The following PRORP variants were observed in gnomAD, a reference collection of about 807,000 sequenced individuals.
PRORP encodes the protein mitochondrial ribonuclease P catalytic subunit.
A neutral mutation model predicts 59.4 loss-of-function variants in PRORP; 51 were observed. The observed-to-expected ratio is 0.86, with a 90% CI of 0.69 to 1.08. The LOEUF (loss-of-function observed/expected upper bound fraction) is 1.08, where lower values mean the gene tolerates loss of function less well. PRORP is among the 50% of genes least tolerant of loss of function. The pLI is 0.00. For missense variants in PRORP, 646 were observed against 690.3 expected (o/e 0.94, Z 0.72); for synonymous variants, 231 against 245.6 (o/e 0.94, Z 0.55).
At chr14:35,273,328 A>C in intron 7 of PRORP, 107 bp from the exon 8 acceptor site, 3 of 1,044,676 alleles carry the variant, frequency 2.9e-6, no homozygotes, top group Non-Finnish European at 4.0e-6. Context: ...GAGATAATCC[A>C]TTATCAATAC....
At chr14:35,204,028 C>G (rs965307099) in intron 5 of PRORP, among the ~76,000 whole-genome samples, 2 of 152,190 alleles carry the variant, frequency 1.3e-5, no homozygotes, top group Non-Finnish European at 2.9e-5. Flanking sequence ...GTATAGTTAT[C>G]TTGAGCTTTG....
At chr14:35,201,269 C>T (rs1566493821) in intron 5 of PRORP, among the ~76,000 whole-genome samples, 1 of 152,018 alleles carries the variant, frequency 6.6e-6, no homozygotes, top group Non-Finnish European at 1.5e-5. Context: ...TTTTTTTCCC[C>T]TTGCCATACT....
At chr14:35,243,376 A>G (rs533078213) in intron 5 of PRORP, among the ~76,000 whole-genome samples, 11 of 152,016 alleles carry the variant, frequency 7.2e-5, no homozygotes, top group African/African-American at 2.7e-4. Context: ...CTCTATAAAA[A>G]AATACAAAAA....
chr14:35,130,704 G>A (rs147621284), intron 4 of PRORP, among the ~76,000 whole-genome samples: 2,515 of 151,548 alleles, frequency 0.017, 24 homozygotes, highest in Non-Finnish European at 0.025. Flanking sequence ...GGCTGGTTTC[G>A]AACTCCCAAC....
Position 35,170,322 on chromosome 14 carries a change from G to A in PRORP, c.1168-10348G>A, listed in dbSNP as rs74462466. On this transcript the variant is annotated intron_variant, in intron 4 of 7. Coordinates refer to ENST00000534898, the MANE Select transcript of PRORP (RefSeq NM_014672.4). ...TTTCTCCTTTGATGTCTCCTTTTGG[G>A]TTAATTGAATTTCTTTTAATTTGTC... Among the ~76,000 whole-genome samples the A allele has an allele frequency of 5.2e-3, 796 of 151,928 alleles. 8 individuals carry two copies. The highest frequency in any genetic ancestry group is 0.018 in the African/African-American group (757 of 41,452).
intron 4 of PRORP, among the ~76,000 whole-genome samples, chr14:35,171,923 A>G (rs999617206): frequency 2.7e-5 from 4 of 150,858 alleles, no homozygotes; most frequent in African/African-American, 9.8e-5. Flanking sequence ...TGTTAAATCC[A>G]CCCTAGGAAT....
intron 5 of PRORP, among the ~76,000 whole-genome samples, chr14:35,231,978 G>T (rs977954516): frequency 6.6e-6 from 1 of 152,138 alleles, no homozygotes; most frequent in African/African-American, 2.4e-5. Flanking sequence ...CAAATGGCTG[G>T]TTAATCTTTA....
chr14:35,239,524 C>T (rs1387021089), intron 5 of PRORP, among the ~76,000 whole-genome samples: 3 of 152,074 alleles, frequency 2.0e-5, no homozygotes, highest in African/African-American at 4.8e-5. Flanking sequence ...GATCAGGCAA[C>T]GAGCTGGTGA....
chr14:35,182,676 G>A (rs1386794194), intron 5 of PRORP, among the ~76,000 whole-genome samples: 3 of 152,096 alleles, frequency 2.0e-5, no homozygotes, highest in Admixed American at 1.3e-4. Context: ...CCATGCAGTG[G>A]AATAGTGGTT....
intron 4 of PRORP, among the ~76,000 whole-genome samples, chr14:35,135,649 T>A (rs760845936): frequency 5.9e-5 from 9 of 152,126 alleles, no homozygotes; most frequent in Non-Finnish European, 5.9e-5. Context: ...TGTCATAGGT[T>A]CTGGGGAGCC....
chr14:35,263,431 A>G (rs901940286), intron 5 of PRORP, among the ~76,000 whole-genome samples: 2 of 152,216 alleles, frequency 1.3e-5, no homozygotes, highest in African/African-American at 4.8e-5. Flanking sequence ...TCACGCCTGT[A>G]ATCCCAGCAC....
At chr14:35,217,630 G>A (rs1042079073) in intron 5 of PRORP, among the ~76,000 whole-genome samples, 1 of 151,406 alleles carries the variant, frequency 6.6e-6, no homozygotes, top group Non-Finnish European at 1.5e-5. Context: ...TTTGTACTTG[G>A]TATGAGTCCA....
At chr14:35,147,679 T>A (rs1037495295) in intron 4 of PRORP, among the ~76,000 whole-genome samples, 2 of 152,248 alleles carry the variant, frequency 1.3e-5, no homozygotes, top group African/African-American at 4.8e-5. Flanking sequence ...GTTTGCCACA[T>A]AAATTGACTC....
chr14:35,121,907 G>A, upstream of PRORP: 1 of 1,613,962 alleles, frequency 6.2e-7, no homozygotes, highest in Non-Finnish European at 8.5e-7. Context: ...CTCACTGTTT[G>A]GACAGGTGTT....
At chr14:35,176,791 G>A (rs2048462888) in intron 4 of PRORP, among the ~76,000 whole-genome samples, 1 of 152,170 alleles carries the variant, frequency 6.6e-6, no homozygotes, top group African/African-American at 2.4e-5. Flanking sequence ...GAATAGAAGT[G>A]GTGAGAGAGG....
Position 35,127,474 on chromosome 14 carries a change from T to G in PRORP, c.1035-5T>G. On this transcript the variant is annotated splice_region_variant and splice_polypyrimidine_tract_variant and intron_variant, in intron 3 of 7. Coordinates refer to ENST00000534898, the MANE Select transcript of PRORP (RefSeq NM_014672.4). Reference sequence around the variant, plus strand: ...AATATTATTATTTAACAATTATAATTACAGTGGCCAGTGTTCGGGCTGTGG... The same window carrying G: ...AATATTATTATTTAACAATTATAATGACAGTGGCCAGTGTTCGGGCTGTGG... 6.4e-7 allele frequency: 1 copy of G among 1,557,474 alleles called. No individual in the cohort carries two copies. The highest frequency in any genetic ancestry group is 8.6e-7 in the Non-Finnish European group (1 of 1,156,542).
chr14:35,198,712 T>C (rs1233366085), intron 5 of PRORP, among the ~76,000 whole-genome samples: 1 of 152,208 alleles, frequency 6.6e-6, no homozygotes, highest in African/African-American at 2.4e-5. Context: ...AGTTCTAGTA[T>C]CAGAATTGCC....
intron 5 of PRORP, among the ~76,000 whole-genome samples, chr14:35,243,796 A>G (rs1481754402): frequency 6.6e-6 from 1 of 152,162 alleles, no homozygotes; most frequent in Non-Finnish European, 1.5e-5. Context: ...AATGGTACCA[A>G]ATTCATAAGG....
chr14:35,123,744 G>A lies in PRORP; in HGVS notation c.499G>A (p.Ala167Thr). 6.2e-7 allele frequency: 1 copy of A among 1,614,238 alleles called. No homozygotes were observed. The highest frequency in any genetic ancestry group is 8.5e-7 in the Non-Finnish European group (1 of 1,180,048). The change falls in exon 2 of 8, where the codon GCC becomes ACC. Residue 167 changes from alanine (A) to threonine (T), a missense_variant. By Grantham distance (58) the Ala-to-Thr change is moderately conservative. Transcript: ENST00000534898. Reference sequence around the variant, plus strand: ...TAAATCTCTGCTGGCATGGGTAGCAGCCAAAAATAATGGTATTGTAAGTTA... The same window carrying A: ...TAAATCTCTGCTGGCATGGGTAGCAACCAAAAATAATGGTATTGTAAGTTA... ...VAKSLLAWVA[A>T]KNNGIVSYDL...
Sources: allele counts gnomAD v4.1 joint callset (sites outside exome capture counted in the v4.1 genomes callset), GRCh38; gene constraint gnomAD v4.1.1; transcripts MANE v1.5; gene names NCBI Gene and HGNC (gene_info 2026-07-23, HGNC 2026-07-21).